Variants in CXorf38 observed in about 807,000 individuals in gnomAD.
The protein encoded by CXorf38 is uncharacterized protein CXorf38.
A neutral mutation model predicts 27.5 loss-of-function variants in CXorf38; 13 were observed. The ratio of observed to expected loss-of-function variants is 0.47; its 90% CI spans 0.31 to 0.75. The LOEUF (loss-of-function observed/expected upper bound fraction) is 0.75. Among genes scored for constraint, CXorf38 ranks in the 30% least tolerant of loss-of-function variants. The pLI is 0.05. For missense variants in CXorf38, 240 were observed against 253.2 expected (o/e 0.95, Z 0.35); for synonymous variants, 100 against 99.8 (o/e 1.00, Z -0.01).
chrX:40,638,091 A>G (rs1232290904), intron 3 of CXorf38, among the ~76,000 whole-genome samples: 1 of 112,158 alleles, frequency 8.9e-6, no homozygotes, highest in Admixed American at 9.4e-5. Flanking sequence ...AAGTCTTTTA[A>G]ATACTGTTGG....
chrX:40,630,525 T>C lies in CXorf38; in HGVS notation c.*1+89A>G, dbSNP rs531944249. ...GCAAACTTCAGATTAGATTGTTGTGTGTTCATGATGGCCTCACATGAGAGA... is the reference window on the plus strand; with the variant it reads ...GCAAACTTCAGATTAGATTGTTGTGCGTTCATGATGGCCTCACATGAGAGA... On this transcript the variant is annotated intron_variant, in intron 6 of 6. Transcript: ENST00000327877. 11 of 873,309 alleles carry C rather than the reference T, an allele frequency of 1.3e-5. No individual in the cohort carries two copies. In the South Asian group the frequency reaches 3.0e-4, roughly 24 times the overall value. 72.0% of individuals were successfully genotyped at this position (873,309 alleles called of 1,213,427 possible). A position where few individuals can be genotyped will look rare whatever the true frequency, so the allele number is the denominator to read the frequency against.
In CXorf38 at chrX:40,628,687, G is replaced by GT; in HGVS notation, c.*1476dup. ...TGTTGCAATTTCATTTTTAAATTTC[G>GT]TAACAAAGGACCAGGCTTAGCTAAT... On this transcript the variant is annotated 3_prime_UTR_variant, in exon 7 of 7. Coordinates refer to ENST00000327877, the MANE Select transcript of CXorf38 (RefSeq NM_144970.3). 8.9e-6 allele frequency: 1 copy of GT among 112,340 alleles called. No homozygotes were observed. Among genetic ancestry groups the GT allele is most frequent in the Non-Finnish European group, 1.9e-5 (1 of 53,217 alleles). 9.3% of individuals were successfully genotyped at this position (112,340 alleles called of 1,213,427 possible).
intron 5 of CXorf38, among the ~76,000 whole-genome samples, chrX:40,631,250 TATATACAC>T (rs1383255749): frequency 4.0e-4 from 15 of 37,284 alleles, no homozygotes; most frequent in South Asian, 1.5e-3. Context: ...TATGTATATA[TATATACAC>T]ACACACACAC....
At chrX:40,643,937 T>C (rs956474158) in intron 2 of CXorf38, among the ~76,000 whole-genome samples, 3 of 112,941 alleles carry the variant, frequency 2.7e-5, no homozygotes, top group Admixed American at 9.3e-5. Context: ...TTGTAACTTG[T>C]ATTAGTACTT....
chrX:40,637,372 G>A (rs753287599), intron 3 of CXorf38, among the ~76,000 whole-genome samples: 9 of 111,691 alleles, frequency 8.1e-5, no homozygotes, highest in Non-Finnish European at 1.1e-4. Flanking sequence ...CTCCAGCCCC[G>A]CAAGTTGGAT....
Position 40,637,834 on chromosome X carries a change from C to T in CXorf38, c.472-678G>A, listed in dbSNP as rs183174193. Among the ~76,000 whole-genome samples the T allele has an allele frequency of 2.6e-3, 296 of 111,811 alleles. 2 individuals are homozygous for T. Among genetic ancestry groups the T allele is most frequent in the African/African-American group, 9.2e-3 (282 of 30,752 alleles). On this transcript the variant is annotated intron_variant, in intron 3 of 6. Coordinates refer to ENST00000327877, the MANE Select transcript of CXorf38 (RefSeq NM_144970.3). ...AGATTTCCAAGCAATCCAGAAATTCCTAACATAACCTGTAGGTACCTGTCA... is the reference window on the plus strand; with the variant it reads ...AGATTTCCAAGCAATCCAGAAATTCTTAACATAACCTGTAGGTACCTGTCA...
rs1335894728 is a variant in CXorf38 at position 40,631,250 on chromosome X, TATATACACAC to T, written c.802-487_802-478del. Among the ~76,000 whole-genome samples the T allele has an allele frequency of 5.4e-4, 20 of 37,284 alleles. No homozygotes were observed. The South Asian group carries it at 0.02, about 37-fold the overall frequency. 32.4% of individuals were successfully genotyped at this position (37,284 alleles called of 115,157 possible). A position where few individuals can be genotyped will look rare whatever the true frequency, so the allele number is the denominator to read the frequency against. On this transcript the variant is annotated intron_variant, in intron 5 of 6. Transcript: ENST00000327877. ...GTATATATATGTGTGTATGTATATATATATACACACACACACACACACACACACACACACA... is the reference window on the plus strand; with the variant it reads ...GTATATATATGTGTGTATGTATATATACACACACACACACACACACACACA...
At chrX:40,636,485 T>C in intron 5 of CXorf38, 48 bp downstream of exon 5, 1 of 862,764 alleles carries the variant, frequency 1.2e-6, no homozygotes, top group East Asian at 3.2e-5. Flanking sequence ...CCCAGAATCT[T>C]TCTTTGTGTT....
intron 2 of CXorf38, among the ~76,000 whole-genome samples, chrX:40,642,719 G>A (rs1160465716): frequency 2.7e-5 from 3 of 111,620 alleles, no homozygotes; most frequent in Non-Finnish European, 5.7e-5. Flanking sequence ...TTGTGTATGG[G>A]AGGCAGATAG....
intron 2 of CXorf38, among the ~76,000 whole-genome samples, chrX:40,643,585 C>T (rs1255302381): frequency 9.0e-6 from 1 of 111,234 alleles, no homozygotes; most frequent in Non-Finnish European, 1.9e-5. Flanking sequence ...CTCAGCTCAC[C>T]GCAACCTCCA....
chrX:40,638,875 C>T, intron 3 of CXorf38, 134 bp downstream of exon 3: 1 of 706,052 alleles, frequency 1.4e-6, no homozygotes, highest in Non-Finnish European at 2.0e-6. Context: ...TTTCTTTGTA[C>T]ACCACTGTTC....
chrX:40,643,632 G>A (rs1157410875), intron 2 of CXorf38, among the ~76,000 whole-genome samples: 2 of 110,469 alleles, frequency 1.8e-5, no homozygotes, highest in African/African-American at 3.3e-5. Context: ...CCTCAGCCTC[G>A]CGAGTAGCTG....
intron 5 of CXorf38, among the ~76,000 whole-genome samples, chrX:40,632,674 TGAAAGTACTA>T (rs1927877557): frequency 9.0e-6 from 1 of 111,280 alleles, no homozygotes; most frequent in African/African-American, 3.3e-5. Flanking sequence ...ATGGAAAAAC[TGAAAGTACTA>T]GAAAAATTTG....
intron 2 of CXorf38, among the ~76,000 whole-genome samples, chrX:40,641,927 G>A (rs1243856458): frequency 9.0e-6 from 1 of 111,509 alleles, no homozygotes; most frequent in Admixed American, 9.6e-5. Flanking sequence ...CAATTGTGCA[G>A]GGCCTTATTG....
chrX:40,628,815 TTTCAAAA>T lies in CXorf38; in HGVS notation c.*1342_*1348del, dbSNP rs1441132966. ...GAGGGCCAGGCCCTGGGAGCTTACT[TTTCAAAA>T]GTGTACCATAAACCAGCTGCCAAGC... On this transcript the variant is annotated 3_prime_UTR_variant, in exon 7 of 7. Transcript: ENST00000327877. 1 of 110,852 alleles carries T rather than the reference TTTCAAAA, an allele frequency of 9.0e-6. No homozygotes were observed. Among genetic ancestry groups the T allele is most frequent in the Non-Finnish European group, 1.9e-5 (1 of 52,973 alleles). 9.1% of individuals were successfully genotyped at this position (110,852 alleles called of 1,213,427 possible). A position where few individuals can be genotyped will look rare whatever the true frequency, so the allele number is the denominator to read the frequency against.
chrX:40,639,086 C>A lies in CXorf38; in HGVS notation c.394G>T (p.Glu132Ter). The change falls in exon 3 of 7, where the codon GAA (glutamate) becomes TAA (stop). Residue 132 changes from glutamate to a stop codon, truncating the protein, a stop_gained. Transcript: ENST00000327877. LOFTEE classifies it high-confidence loss of function. The stretch of plus-strand genomic sequence containing the variant: ...CTTAAAAGAGCAACTGCATCACATT[C>A]CTCAGGTCCTTGTTTGTCTGCTAGT... The part of the protein sequence containing the change: ...RGLADKQGPE[E>*]CDAVALLSLI... 3 of 1,211,032 alleles carry A rather than the reference C, an allele frequency of 2.5e-6. No individual in the cohort carries two copies. The South Asian group carries it at 5.3e-5, about 21-fold the overall frequency.
At chrX:40,632,900 C>T (rs1927890050) in intron 5 of CXorf38, among the ~76,000 whole-genome samples, 1 of 111,965 alleles carries the variant, frequency 8.9e-6, no homozygotes, top group Non-Finnish European at 1.9e-5. Context: ...CCATTCCCTC[C>T]TTTTTAACTA....
chrX:40,630,949 C>T (rs1163168372), intron 5 of CXorf38, among the ~76,000 whole-genome samples, 176 bp from the exon 6 acceptor site: 1 of 111,248 alleles, frequency 9.0e-6, no homozygotes, highest in African/African-American at 3.3e-5. Context: ...AAAACAAATC[C>T]TTTAAAACAA....
chrX:40,637,032 A>G lies in CXorf38; in HGVS notation c.596T>C (p.Val199Ala). 8.3e-7 allele frequency: 1 copy of G among 1,205,487 alleles called. No individual in the cohort carries two copies. The highest frequency in any genetic ancestry group is 1.1e-6 in the Non-Finnish European group (1 of 892,848). Residue 199 changes from valine to alanine, a missense_variant, in exon 4 of 7, where the codon GTG becomes GCG. Val to Ala is a moderately conservative substitution (Grantham distance 64). Transcript: ENST00000327877. ...CTGTTCTATTCTGGAGTATACTGCC[A>G]CAATCTCTGGGATGTTCTTGAATTC... is the stretch of plus-strand genomic sequence containing the variant. ...LNEFKNIPEI[V>A]AVYSRIEQLL...
Sources: allele counts gnomAD v4.1 joint callset (sites outside exome capture counted in the v4.1 genomes callset), GRCh38; gene constraint gnomAD v4.1.1; transcripts MANE v1.5; gene names NCBI Gene and HGNC (gene_info 2026-07-23, HGNC 2026-07-21).